Variants in GATB observed in about 807,000 individuals in gnomAD.
The protein encoded by GATB is glutamyl-tRNA(Gln) amidotransferase subunit B, mitochondrial.
GATB carries 39 observed loss-of-function variants against 62.3 expected under a neutral mutation model. That is an observed-to-expected ratio of 0.63 (90% CI 0.48 to 0.82). The LOEUF (loss-of-function observed/expected upper bound fraction) is 0.82, where lower values mean the gene tolerates loss of function less well. Among genes scored for constraint, GATB ranks in the 40% least tolerant of loss-of-function variants. The pLI is 0.00. For synonymous variants in GATB, 276 were observed against 258.9 expected (o/e 1.07, Z -0.63); for missense variants, 670 against 684.0 (o/e 0.98, Z 0.23).
intron 2 of GATB, among the ~76,000 whole-genome samples, chr4:151,757,467 A>ATTTTTTT (rs745311470): frequency 5.8e-5 from 6 of 103,820 alleles, no homozygotes; most frequent in African/African-American, 1.2e-4. Flanking sequence ...CAGCTTCCAG[A>ATTTTTTT]TTTTTTTTTT....
chr4:151,709,563 T>G (rs1578915182), intron 5 of GATB, among the ~76,000 whole-genome samples: 1 of 152,140 alleles, frequency 6.6e-6, no homozygotes, highest in Non-Finnish European at 1.5e-5. Context: ...GCCCCTTATA[T>G]CCAAACTGGC....
chr4:151,672,761 C>T lies in GATB; in HGVS notation c.1545+1G>A, dbSNP rs767445951. ...CCCTCTCCCCTGCCCGAGATAGTCA[C>T]CACTTGAGGATGGGCCTCCATCACA... On this transcript the variant is annotated splice_donor_variant, in intron 12 of 12. Transcript: ENST00000263985. LOFTEE classifies it high-confidence loss of function. 1.2e-6 allele frequency: 2 copies of T among 1,613,746 alleles called. No individual in the cohort carries two copies. The highest frequency in any genetic ancestry group is 1.7e-6 in the Non-Finnish European group (2 of 1,179,842).
At chr4:151,758,672 C>G in intron 2 of GATB, 100 bp downstream of exon 2, 1 of 1,034,924 alleles carries the variant, frequency 9.7e-7, no homozygotes, top group Non-Finnish European at 1.3e-6. Flanking sequence ...ATAAGTATTT[C>G]CAAAGAGTTG....
At chr4:151,701,559 T>C (rs772780466) in intron 8 of GATB, 41 bp from the exon 9 acceptor site, 6 of 1,361,958 alleles carry the variant, frequency 4.4e-6, no homozygotes, top group Non-Finnish European at 5.8e-6. Flanking sequence ...CTGGAGTACT[T>C]GGATTAATGA....
At chr4:151,757,787 T>A (rs892354486) in intron 2 of GATB, among the ~76,000 whole-genome samples, 4 of 152,142 alleles carry the variant, frequency 2.6e-5, no homozygotes, top group Non-Finnish European at 4.4e-5. Context: ...TCAACCAGCT[T>A]CCACTCTTAT....
chr4:151,708,881 TA>T (rs903813513), intron 5 of GATB, among the ~76,000 whole-genome samples: 40 of 152,024 alleles, frequency 2.6e-4, no homozygotes, highest in Admixed American at 1.5e-3. Flanking sequence ...TGGGGAGGAC[TA>T]AAAGGCTCTT....
At chr4:151,710,642 T>C (rs1183974235) in intron 5 of GATB, among the ~76,000 whole-genome samples, 3 of 152,166 alleles carry the variant, frequency 2.0e-5, no homozygotes, top group East Asian at 3.8e-4. Context: ...TCAGCAACAT[T>C]TGACAAGCCA....
chr4:151,673,591 C>T (rs1737927604), intron 11 of GATB: 2 of 152,098 alleles, frequency 1.3e-5, no homozygotes, highest in South Asian at 4.1e-4. Flanking sequence ...CCAAATCAGA[C>T]TAGGATAATG....
chr4:151,715,112 T>C (rs925912106), intron 5 of GATB, among the ~76,000 whole-genome samples: 1 of 152,226 alleles, frequency 6.6e-6, no homozygotes, highest in Non-Finnish European at 1.5e-5. Context: ...TGGTAAACAG[T>C]ATTATCAACC....
rs368156732 is a variant in GATB at position 151,679,940 on chromosome 4, G to T, written c.1332-49C>A. The T allele has an allele frequency of 6.5e-6, 10 of 1,536,220 alleles. No homozygotes were observed. The East Asian group carries it at 2.0e-4, about 31-fold the overall frequency. On this transcript the variant is annotated intron_variant, in intron 10 of 12. Transcript: ENST00000263985. The stretch of plus-strand genomic sequence containing the variant: ...CACATTTACATTGCACACTGTCAGG[G>T]CATCCATGAATGGCTGTTCGGAATC...
intron 5 of GATB, among the ~76,000 whole-genome samples, chr4:151,708,752 G>A (rs192319209): frequency 1.3e-5 from 2 of 152,306 alleles, no homozygotes; most frequent in African/African-American, 4.8e-5. Context: ...GCACTGTTAC[G>A]AAGTCAGGAG....
intron 10 of GATB, among the ~76,000 whole-genome samples, chr4:151,685,828 A>G (rs775829130): frequency 7.2e-5 from 11 of 152,200 alleles, no homozygotes; most frequent in Non-Finnish European, 1.3e-4. Flanking sequence ...CGGGCTGATC[A>G]CTTGAGATCA....
chr4:151,708,541 C>A lies in GATB; in HGVS notation c.764-440G>T, dbSNP rs567068011. 3.1e-4 allele frequency among the ~76,000 whole-genome samples: 47 copies of A among 152,226 alleles called. 1 individual carries two copies. The highest frequency in any genetic ancestry group is 1.1e-3 in the African/African-American group (44 of 41,548). Reference sequence around the variant, plus strand: ...ATATCTGATAACCCTACACTGCTCTCCATTGGAATGTGGATTTCTAACAGT... The same window carrying A: ...ATATCTGATAACCCTACACTGCTCTACATTGGAATGTGGATTTCTAACAGT... On this transcript the variant is annotated intron_variant, in intron 5 of 12. Transcript: ENST00000263985.
chr4:151,681,964 G>A (rs1259487418), intron 10 of GATB, among the ~76,000 whole-genome samples: 2 of 152,118 alleles, frequency 1.3e-5, no homozygotes, highest in Non-Finnish European at 2.9e-5. Flanking sequence ...TCACCTTAGG[G>A]GTCAGGATTT....
chr4:151,716,393 C>T (rs1016885128), intron 4 of GATB: 2 of 432,110 alleles, frequency 4.6e-6, no homozygotes, highest in Non-Finnish European at 8.2e-6. Context: ...AGTGATCCTC[C>T]CACCTCAGCC....
At chr4:151,760,622 A>G (rs1739934005) in intron 1 of GATB, among the ~76,000 whole-genome samples, 185 bp downstream of exon 1, 1 of 152,166 alleles carries the variant, frequency 6.6e-6, no homozygotes, top group South Asian at 2.1e-4. Flanking sequence ...AGTGGTTTAT[A>G]TATGGGGGCG....
Position 151,696,029 on chromosome 4 carries a change from C to T in GATB, c.1197+5300G>A, listed in dbSNP as rs1578906072. On this transcript the variant is annotated intron_variant, in intron 9 of 12. Transcript: ENST00000263985. ...ATCCTGGCCAAAAGTGATCCTCTCACCTTGGCCTCCCAGAGTGCTGGGATT... is the reference window on the plus strand; with the variant it reads ...ATCCTGGCCAAAAGTGATCCTCTCATCTTGGCCTCCCAGAGTGCTGGGATT... 2.7e-5 allele frequency among the ~76,000 whole-genome samples: 4 copies of T among 150,654 alleles called. No individual in the cohort carries two copies. In the East Asian group the frequency reaches 7.8e-4, roughly 29 times the overall value.
chr4:151,673,370 T>A (rs1578890540), intron 11 of GATB: 1 of 155,218 alleles, frequency 6.4e-6, no homozygotes, highest in African/African-American at 2.4e-5. Flanking sequence ...TGAGGTGACA[T>A]TTTGGTGAAG....
intron 10 of GATB, among the ~76,000 whole-genome samples, chr4:151,682,844 T>C (rs548819498): frequency 6.6e-6 from 1 of 152,178 alleles, no homozygotes; most frequent in African/African-American, 2.4e-5. Flanking sequence ...CAGGATTCTG[T>C]GTTCATCTCA....
Sources: allele counts gnomAD v4.1 joint callset (sites outside exome capture counted in the v4.1 genomes callset), GRCh38; gene constraint gnomAD v4.1.1; transcripts MANE v1.5; gene names NCBI Gene and HGNC (gene_info 2026-07-23, HGNC 2026-07-21).